Variants in CMSS1 observed in about 807,000 individuals in gnomAD.
The protein encoded by CMSS1 is protein CMSS1.
Under a neutral mutation model 43.5 loss-of-function variants are expected in CMSS1, and 33 were observed. That is an observed-to-expected ratio of 0.76 (90% confidence interval 0.57 to 1.01). CMSS1 has a LOEUF of 1.01. Ranked by LOEUF, CMSS1 falls within the 50% of genes least tolerant of loss-of-function variation. The pLI, the probability that CMSS1 is intolerant of heterozygous loss-of-function variation, is 0.00. For synonymous variants in CMSS1, 115 were observed against 117.2 expected, an observed-to-expected ratio of 0.98 and a Z score of 0.12; for missense variants, 313 against 326.4, an observed-to-expected ratio of 0.96 and a Z score of 0.32.
chr3:100,070,677 G>A (rs929107286), intron 1 of CMSS1, among the ~76,000 whole-genome samples: 34 of 151,954 alleles, frequency 2.2e-4, no homozygotes, highest in African/African-American at 3.9e-4. Flanking sequence ...TTTGGCCCAC[G>A]CTGGAGTGCA....
At chr3:99,881,536 T>C (rs1705727613) in intron 1 of CMSS1, among the ~76,000 whole-genome samples, 1 of 145,686 alleles carries the variant, frequency 6.9e-6, no homozygotes, top group South Asian at 2.2e-4. Flanking sequence ...TCTCTCTCTC[T>C]CTTTTTTTTT....
At chr3:99,924,364 G>T (rs764025334) in intron 1 of CMSS1, 19 of 1,613,982 alleles carry the variant, frequency 1.2e-5, no homozygotes, top group Non-Finnish European at 1.5e-5. Flanking sequence ...GCTGTCCCAG[G>T]ATTCGTCTGT....
chr3:99,979,730 A>C (rs1331989188), intron 1 of CMSS1, among the ~76,000 whole-genome samples: 5 of 152,234 alleles, frequency 3.3e-5, no homozygotes, highest in African/African-American at 1.2e-4. Flanking sequence ...TGGAATAATG[A>C]TAATATTCAT....
intron 1 of CMSS1, among the ~76,000 whole-genome samples, chr3:99,919,801 G>A (rs1481506263): frequency 6.6e-6 from 1 of 152,152 alleles, no homozygotes; most frequent in African/African-American, 2.4e-5. Context: ...AGGTGGAAGT[G>A]CTTTGTTCTT....
chr3:100,109,768 A>C (rs572690761), intron 1 of CMSS1, among the ~76,000 whole-genome samples: 100 of 152,212 alleles, frequency 6.6e-4, no homozygotes, highest in African/African-American at 2.3e-3. Context: ...AGCCACTGTA[A>C]ATATTGTTAC....
At chr3:100,123,477 T>C (rs2066638002) in intron 1 of CMSS1, among the ~76,000 whole-genome samples, 1 of 152,186 alleles carries the variant, frequency 6.6e-6, no homozygotes, top group Non-Finnish European at 1.5e-5. Flanking sequence ...ACTGCTGCGA[T>C]GTTTTAACCT....
intron 1 of CMSS1, among the ~76,000 whole-genome samples, chr3:100,056,952 C>T (rs1232467947): frequency 7.2e-5 from 11 of 151,876 alleles, no homozygotes; most frequent in Admixed American, 1.3e-4. Context: ...TGCAGTGAGC[C>T]GAGATCGCAC....
intron 1 of CMSS1, among the ~76,000 whole-genome samples, chr3:99,955,665 A>T (rs1559702448): frequency 6.6e-6 from 1 of 152,228 alleles, no homozygotes; most frequent in Non-Finnish European, 1.5e-5. Context: ...CTCTTTGATG[A>T]TAATGAAATA....
intron 2 of CMSS1, 86 bp downstream of exon 2, chr3:100,147,147 T>C: frequency 7.1e-7 from 1 of 1,414,960 alleles, no homozygotes; most frequent in Non-Finnish European, 9.6e-7. Context: ...CATGTCCTAA[T>C]ATCGGTTGTT....
rs1030186218 is a variant in CMSS1 at position 100,103,103 on chromosome 3, C to T, written c.65-43870C>T. On this transcript the variant is annotated intron_variant, in intron 1 of 9. Transcript: ENST00000421999. ...CACAGATCTAGTCTTTGTGAAATAC[C>T]TTCCCTGACTTTTGTATATTCCTGT... is the stretch of plus-strand genomic sequence containing the variant. Among the ~76,000 whole-genome samples the T allele has an allele frequency of 2.0e-5, 3 of 152,296 alleles. No homozygotes were observed. The East Asian group carries it at 5.8e-4, about 29-fold the overall frequency.
chr3:100,179,839 C>T lies in CMSS1; in HGVS notation c.*1451C>T, dbSNP rs753249188. 4 of 152,280 alleles carry T rather than the reference C, an allele frequency of 2.6e-5. No homozygotes were observed. Among genetic ancestry groups the T allele is most frequent in the Non-Finnish European group, 5.9e-5 (4 of 68,084 alleles). 9.4% of individuals were successfully genotyped at this position (152,280 alleles called of 1,614,324 possible). On this transcript the variant is annotated 3_prime_UTR_variant, in exon 10 of 10. Coordinates refer to ENST00000421999, the MANE Select transcript of CMSS1 (RefSeq NM_032359.4). Reference sequence around the variant, plus strand: ...AACCCCACATTTCCCCTCTGCACTGCCCTAGTAGAGGCTCTCCATGAGGGC... The same window carrying T: ...AACCCCACATTTCCCCTCTGCACTGTCCTAGTAGAGGCTCTCCATGAGGGC...
intron 1 of CMSS1, among the ~76,000 whole-genome samples, chr3:100,034,393 T>C (rs1231911700): frequency 1.3e-5 from 2 of 152,202 alleles, no homozygotes; most frequent in Non-Finnish European, 2.9e-5. Flanking sequence ...GCATTCTGAT[T>C]ATGGCCAGAT....
intron 1 of CMSS1, among the ~76,000 whole-genome samples, chr3:99,980,078 G>A (rs1004744731): frequency 2.0e-5 from 3 of 152,144 alleles, no homozygotes; most frequent in African/African-American, 7.2e-5. Flanking sequence ...ATTAGAGGGT[G>A]TGCCTTAGAA....
chr3:99,818,085 A>G, intron 1 of CMSS1, 42 bp downstream of exon 1: 2 of 1,590,660 alleles, frequency 1.3e-6, no homozygotes, highest in Non-Finnish European at 1.7e-6. Context: ...CCTCTCCCGG[A>G]GCCCTTCCGT....
At chr3:100,000,862 A>G (rs1402217628) in intron 1 of CMSS1, among the ~76,000 whole-genome samples, 1 of 152,270 alleles carries the variant, frequency 6.6e-6, no homozygotes, top group South Asian at 2.1e-4. Context: ...TAACAAATAT[A>G]TTACTCAGTA....
At chr3:100,164,903 T>A (rs1262113371) in intron 4 of CMSS1, among the ~76,000 whole-genome samples, 1 of 152,216 alleles carries the variant, frequency 6.6e-6, no homozygotes, top group Non-Finnish European at 1.5e-5. Flanking sequence ...TTGTGCACTG[T>A]ACATTGTTAA....
At chr3:100,164,045 A>C (rs1236042255) in intron 4 of CMSS1, among the ~76,000 whole-genome samples, 1 of 152,022 alleles carries the variant, frequency 6.6e-6, no homozygotes, top group African/African-American at 2.4e-5. Flanking sequence ...TTTTCCAAGG[A>C]GATTACCCTT....
At chr3:100,087,292 T>C (rs1386955353) in intron 1 of CMSS1, among the ~76,000 whole-genome samples, 1 of 152,256 alleles carries the variant, frequency 6.6e-6, no homozygotes, top group Non-Finnish European at 1.5e-5. Context: ...CCAAAGTGAT[T>C]GTACTATTTT....
intron 1 of CMSS1, among the ~76,000 whole-genome samples, chr3:99,827,120 A>G (rs1942550091): frequency 6.6e-6 from 1 of 152,192 alleles, no homozygotes; most frequent in African/African-American, 2.4e-5. Context: ...CATTTTTATT[A>G]TATTATTAAT....
Sources: allele counts gnomAD v4.1 joint callset (sites outside exome capture counted in the v4.1 genomes callset), GRCh38; gene constraint gnomAD v4.1.1; transcripts MANE v1.5; gene names NCBI Gene and HGNC (gene_info 2026-07-23, HGNC 2026-07-21).